SLC24A3: variants seen among roughly 807,000 people sequenced by gnomAD.
SLC24A3 encodes sodium/potassium/calcium exchanger 3.
SLC24A3 carries 28 observed loss-of-function variants against 75.8 expected under a neutral mutation model. The observed-to-expected ratio is 0.37, with a 90% confidence interval of 0.27 to 0.51. The LOEUF is 0.51. Among genes scored for constraint, SLC24A3 ranks in the 20% least tolerant of loss-of-function variants. The probability of loss-of-function intolerance (pLI) is 0.94; values close to 1 mark genes in which losing one functional copy is unlikely to be tolerated. For synonymous variants in SLC24A3, 372 were observed against 334.1 expected, an observed-to-expected ratio of 1.11 and a Z score of -1.24; for missense variants, 663 against 847.8, an observed-to-expected ratio of 0.78 and a Z score of 2.71.
At chr20:19,213,214 C>T in intron 1 of SLC24A3, 1 of 335,712 alleles carries the variant, frequency 3.0e-6, no homozygotes, top group Middle Eastern at 8.7e-4. Context: ...GTCTGGCCGC[C>T]CTGGGAACAT....
At chr20:19,421,390 GAACAGAC>G (rs527289372) in intron 2 of SLC24A3, among the ~76,000 whole-genome samples, 142 of 150,602 alleles carry the variant, frequency 9.4e-4, no homozygotes, top group African/African-American at 3.4e-3. Flanking sequence ...CGAAGGACAT[GAACAGAC>G]ACTTCTCAAA....
At chr20:19,315,322 T>C (rs2143856) in intron 2 of SLC24A3, among the ~76,000 whole-genome samples, 80,177 of 152,006 alleles carry the variant, frequency 0.53, 23,401 homozygotes, top group African/African-American at 0.78. Flanking sequence ...TTTTCCAGAA[T>C]ATGATGCTGT....
intron 8 of SLC24A3, among the ~76,000 whole-genome samples, chr20:19,669,558 A>T (rs1182012374): frequency 6.6e-6 from 1 of 152,058 alleles, no homozygotes; most frequent in Non-Finnish European, 1.5e-5. Flanking sequence ...TGTATGCTCG[A>T]CCCACAGAGC....
chr20:19,662,722 A>AGCATAAACTACAGAGGGATAC (rs1287369159), intron 7 of SLC24A3, among the ~76,000 whole-genome samples: 1 of 152,232 alleles, frequency 6.6e-6, no homozygotes, highest in Non-Finnish European at 1.5e-5. Context: ...CAGCTAGTAG[A>AGCATAAACTACAGAGGGATAC]GCATAAACTA....
rs150909360 is a variant in SLC24A3 at position 19,225,509 on chromosome 20, C to A, written c.142+12525C>A. 3.1e-3 allele frequency among the ~76,000 whole-genome samples: 466 copies of A among 152,194 alleles called. 2 individuals carry two copies. Among genetic ancestry groups the A allele is most frequent in the African/African-American group, 0.011 (454 of 41,520 alleles). On this transcript the variant is annotated intron_variant, in intron 1 of 16. Transcript: ENST00000328041. The stretch of plus-strand genomic sequence containing the variant: ...TCATACTACATATAATGTTTTAGAT[C>A]CTGCTTTTAAAATAAAAAACCCCTA...
At chr20:19,214,827 T>G (rs1029473767) in intron 1 of SLC24A3, among the ~76,000 whole-genome samples, 1 of 152,164 alleles carries the variant, frequency 6.6e-6, no homozygotes, top group African/African-American at 2.4e-5. Flanking sequence ...CCCTCTGTCC[T>G]ACCTTTCTCC....
intron 2 of SLC24A3, among the ~76,000 whole-genome samples, chr20:19,344,077 G>A (rs561464587): frequency 6.6e-6 from 1 of 152,050 alleles, no homozygotes; most frequent in South Asian, 2.1e-4. Context: ...TTTCTGACTT[G>A]GGGAAAGCAG....
In SLC24A3 at chr20:19,312,790, G is replaced by A. The variant is rs529375085; in HGVS notation, c.271+31703G>A. ...CCCAGGACTTAAATGGAACCAGAGAGTTCCCATGTGCTTCTGAGGTTGCTC... is the reference window on the plus strand; with the variant it reads ...CCCAGGACTTAAATGGAACCAGAGAATTCCCATGTGCTTCTGAGGTTGCTC... On this transcript the variant is annotated intron_variant, in intron 2 of 16. Transcript: ENST00000328041. 4.6e-3 allele frequency among the ~76,000 whole-genome samples: 698 copies of A among 152,266 alleles called. 1 individual carries two copies. Among genetic ancestry groups the A allele is most frequent in the Non-Finnish European group, 8.4e-3 (572 of 68,020 alleles).
intron 1 of SLC24A3, 100 bp downstream of exon 1, chr20:19,213,084 C>A (rs923133942): frequency 1.8e-6 from 2 of 1,130,474 alleles, no homozygotes; most frequent in African/African-American, 3.3e-5. Context: ...CGGCCGGAGC[C>A]CCAGGATAAG....
chr20:19,503,699 T>C (rs1355358403), intron 2 of SLC24A3, among the ~76,000 whole-genome samples: 10 of 152,356 alleles, frequency 6.6e-5, no homozygotes, highest in Non-Finnish European at 4.4e-5. Context: ...CCAACTGAGC[T>C]AATCAATATT....
intron 3 of SLC24A3, among the ~76,000 whole-genome samples, chr20:19,563,666 T>C (rs1453986512): frequency 2.0e-5 from 3 of 152,218 alleles, no homozygotes; most frequent in Non-Finnish European, 4.4e-5. Context: ...TTGCCCTTGA[T>C]TGGCCAGCAG....
At position 19,390,775 on chromosome 20, in the gene SLC24A3, G is replaced by A. The variant is rs181814443; in HGVS notation, c.271+109688G>A. Among the ~76,000 whole-genome samples, 3 of 151,980 alleles carry A rather than the reference G, an allele frequency of 2.0e-5. No individual in the cohort carries two copies. In the East Asian group the frequency reaches 5.8e-4, roughly 29 times the overall value. On this transcript the variant is annotated intron_variant, in intron 2 of 16. Coordinates refer to ENST00000328041, the MANE Select transcript of SLC24A3 (RefSeq NM_020689.4). ...CCTGGCAGGGAGGCTGCATCTACAG[G>A]TATTGGCCTGGTGCCTGAGGCCAAA...
At chr20:19,689,125 G>A (rs2032715890) in intron 12 of SLC24A3, among the ~76,000 whole-genome samples, 3 of 152,096 alleles carry the variant, frequency 2.0e-5, no homozygotes. Context: ...ATTTCCATGG[G>A]AAAGAAAAAC....
intron 2 of SLC24A3, among the ~76,000 whole-genome samples, chr20:19,508,901 G>T (rs1203047497): frequency 6.6e-6 from 1 of 152,228 alleles, no homozygotes; most frequent in Admixed American, 6.5e-5. Flanking sequence ...CTGCCTAGAG[G>T]CACATGCATT....
intron 9 of SLC24A3, 109 bp downstream of exon 9, chr20:19,673,763 A>T (rs1329968902): frequency 2.3e-6 from 2 of 862,084 alleles, no homozygotes; most frequent in South Asian, 1.5e-5. Context: ...TTCAGTGTGT[A>T]TCATCACAGT....
intron 2 of SLC24A3, among the ~76,000 whole-genome samples, chr20:19,373,821 C>T (rs973359560): frequency 6.6e-6 from 1 of 152,088 alleles, no homozygotes; most frequent in African/African-American, 2.4e-5. Flanking sequence ...AAGAGCATGA[C>T]ATGTTTTTAA....
At chr20:19,213,920 A>G (rs942157499) in intron 1 of SLC24A3, among the ~76,000 whole-genome samples, 1 of 152,222 alleles carries the variant, frequency 6.6e-6, no homozygotes, top group African/African-American at 2.4e-5. Flanking sequence ...ACAGCCATGT[A>G]AAGGGTTGTG....
At chr20:19,613,607 A>G (rs2031699298) in intron 6 of SLC24A3, among the ~76,000 whole-genome samples, 1 of 152,186 alleles carries the variant, frequency 6.6e-6, no homozygotes, top group Non-Finnish European at 1.5e-5. Context: ...ACTTCCACCT[A>G]TGATGGAAAC....
In SLC24A3 at chr20:19,584,959, GCTC is replaced by G. The variant is rs752886757; in HGVS notation, c.424-8_424-6del. 3.7e-6 allele frequency: 6 copies of G among 1,609,248 alleles called. No homozygotes were observed. Among genetic ancestry groups the G allele is most frequent in the Non-Finnish European group, 5.1e-6 (6 of 1,176,682 alleles). On this transcript the variant is annotated splice_polypyrimidine_tract_variant and intron_variant, in intron 4 of 16. Coordinates refer to ENST00000328041, the MANE Select transcript of SLC24A3 (RefSeq NM_020689.4). ...CCCAACTCACCTGTGCTTTGTCTTT[GCTC>G]CTCTGTAGCGCCTGCACCTCAGTGA...
Sources: allele counts gnomAD v4.1 joint callset (sites outside exome capture counted in the v4.1 genomes callset), GRCh38; gene constraint gnomAD v4.1.1; transcripts MANE v1.5; gene names NCBI Gene and HGNC (gene_info 2026-07-23, HGNC 2026-07-21).